PUS10: variants seen among roughly 807,000 people sequenced by gnomAD.
PUS10 encodes tRNA pseudouridine synthase Pus10.
Under a neutral mutation model 75.0 loss-of-function variants are expected in PUS10, and 59 were observed. The observed-to-expected ratio is 0.79, with a 90% confidence interval of 0.64 to 0.98. The LOEUF is 0.98. PUS10 is among the 50% of genes least tolerant of loss of function. The pLI is 0.00. For missense variants in PUS10, 650 were observed against 614.4 expected (o/e 1.06, Z -0.61); for synonymous variants, 219 against 211.6 (o/e 1.03, Z -0.30).
At chr2:60,955,103 T>C in intron 11 of PUS10, 29 bp from the exon 12 acceptor site, 1 of 1,394,176 alleles carries the variant, frequency 7.2e-7, no homozygotes. Flanking sequence ...GAAAAAAAAA[T>C]TAGAGACATC....
At chr2:60,980,939 T>C (rs1677349073) in intron 4 of PUS10, among the ~76,000 whole-genome samples, 1 of 152,242 alleles carries the variant, frequency 6.6e-6, no homozygotes, top group African/African-American at 2.4e-5. Context: ...TTGCCCAGGC[T>C]GGAGTGCAAT....
chr2:60,976,829 A>G (rs1677058189), intron 4 of PUS10, among the ~76,000 whole-genome samples: 1 of 152,214 alleles, frequency 6.6e-6, no homozygotes, highest in Non-Finnish European at 1.5e-5. Context: ...TCAAATCACC[A>G]AGATAATTTT....
chr2:60,959,358 G>C (rs1366112184), intron 11 of PUS10, among the ~76,000 whole-genome samples: 1 of 152,156 alleles, frequency 6.6e-6, no homozygotes, highest in Non-Finnish European at 1.5e-5. Flanking sequence ...CAGTTGTTTT[G>C]AATTTCCCCA....
At chr2:60,997,633 C>T in intron 4 of PUS10, among the ~76,000 whole-genome samples, 1 of 143,820 alleles carries the variant, frequency 7.0e-6, no homozygotes, top group East Asian at 2.0e-4. Context: ...AAAAAAAGGA[C>T]TTAGTGGAAT....
Position 61,018,099 on chromosome 2 carries a change from T to A in PUS10, c.-107A>T. On this transcript the variant is annotated 5_prime_UTR_variant, in exon 1 of 18. Coordinates refer to ENST00000316752, the MANE Select transcript of PUS10 (RefSeq NM_144709.4). Reference sequence around the variant, plus strand: ...GGGAGCTCCTGGGCGTCTCTCTGGGTCTCTGTGCTTGAAAGAAAGGGGGGC... The same window carrying A: ...GGGAGCTCCTGGGCGTCTCTCTGGGACTCTGTGCTTGAAAGAAAGGGGGGC... The A allele has an allele frequency of 3.9e-6, 6 of 1,543,304 alleles. No individual in the cohort carries two copies. The highest frequency in any genetic ancestry group is 5.2e-6 in the Non-Finnish European group (6 of 1,143,840).
At chr2:61,008,706 T>C in intron 3 of PUS10, 55 bp downstream of exon 3, 1 of 1,353,126 alleles carries the variant, frequency 7.4e-7, no homozygotes. Flanking sequence ...ATTCTTGGTT[T>C]TAAGACTGAA....
chr2:60,983,717 G>A (rs1677551345), intron 4 of PUS10, among the ~76,000 whole-genome samples: 1 of 151,232 alleles, frequency 6.6e-6, no homozygotes, highest in African/African-American at 2.4e-5. Context: ...TATCAGAATA[G>A]AGCTAACAAT....
intron 10 of PUS10, 128 bp from the exon 11 acceptor site, chr2:60,960,645 CCTAA>C: frequency 5.4e-6 from 4 of 741,452 alleles, no homozygotes; most frequent in South Asian, 2.3e-5. Flanking sequence ...CTATCCTTTA[CCTAA>C]CTAACAATCC....
At chr2:60,979,941 G>C (rs1161131480) in intron 4 of PUS10, among the ~76,000 whole-genome samples, 2 of 152,150 alleles carry the variant, frequency 1.3e-5, no homozygotes, top group African/African-American at 2.4e-5. Context: ...TTTATGTTGT[G>C]AGTTTTAAGG....
Position 61,006,604 on chromosome 2 carries a change from T to A in PUS10, c.421A>T (p.Ser141Cys). The change falls in exon 4 of 18, where the codon AGC becomes TGC. Residue 141 changes from serine to cysteine, a missense_variant. Ser to Cys is a moderately radical substitution (Grantham distance 112, BLOSUM62 -1). Coordinates refer to ENST00000316752, the MANE Select transcript of PUS10 (RefSeq NM_144709.4). ...GGGAAGGAGACTGAAAATACCAAGC[T>A]GGTGAATTCAAACCCAGAGGCCTCA... is the stretch of plus-strand genomic sequence containing the variant. ...KVEASGFEFT[S>C]LVFSVSFPPQ... 6.2e-7 allele frequency: 1 copy of A among 1,613,652 alleles called. No homozygotes were observed. The highest frequency in any genetic ancestry group is 8.5e-7 in the Non-Finnish European group (1 of 1,179,834).
chr2:61,011,657 A>T (rs921178897), intron 2 of PUS10, 108 bp downstream of exon 2: 16 of 756,530 alleles, frequency 2.1e-5, no homozygotes, highest in Admixed American at 3.8e-5. Flanking sequence ...TTTTTAATTT[A>T]AAAAAGAGTT....
chr2:60,991,068 G>A (rs998506158), intron 4 of PUS10, among the ~76,000 whole-genome samples: 12 of 151,962 alleles, frequency 7.9e-5, no homozygotes, highest in Admixed American at 2.6e-4. Context: ...TTGTAGAGAC[G>A]GAGTCTCTCT....
Position 60,953,968 on chromosome 2 carries a change from G to T in PUS10, c.1155C>A (p.Asn385Lys), listed in dbSNP as rs1675498238. 8.7e-6 allele frequency: 14 copies of T among 1,613,882 alleles called. No individual in the cohort carries two copies. The African/African-American group carries it at 1.2e-4, about 14-fold the overall frequency. ...ELQQKINNSS[N>K]KIQVRDLQLV... ...GCTGCAAGTCACGTACTTGGATTTT[G>T]TTAGATGAGTTATTAATTTTCTGTA... The change falls in exon 14 of 18, where the codon AAC (asparagine) becomes AAA (lysine). Residue 385 changes from asparagine (N) to lysine (K), a missense_variant. Transcript: ENST00000316752.
chr2:61,016,920 C>T (rs1680023653), intron 1 of PUS10, among the ~76,000 whole-genome samples: 1 of 152,152 alleles, frequency 6.6e-6, no homozygotes, highest in South Asian at 2.1e-4. Context: ...CACTGGGCTT[C>T]TGAAACATTC....
At chr2:60,975,417 TTATAGACATGAGCCACTGCAC>T (rs1372143076) in intron 4 of PUS10, among the ~76,000 whole-genome samples, 2 of 152,100 alleles carry the variant, frequency 1.3e-5, no homozygotes, top group African/African-American at 4.8e-5. Context: ...AGTGCTACGA[TTATAGACATGAGCCACTGCAC>T]CCAGACAGTA....
intron 16 of PUS10, 73 bp from the exon 17 acceptor site, chr2:60,945,181 A>G (rs1674867429): frequency 3.3e-6 from 3 of 910,466 alleles, no homozygotes; most frequent in Non-Finnish European, 5.5e-6. Context: ...ACAGGCAAAA[A>G]TAATAATAAG....
At chr2:60,994,789 C>T (rs1014288443) in intron 4 of PUS10, among the ~76,000 whole-genome samples, 5 of 152,106 alleles carry the variant, frequency 3.3e-5, no homozygotes, top group African/African-American at 1.2e-4. Context: ...GACAATAACC[C>T]TTTTGAAATC....
At chr2:60,971,870 T>A (rs1676690171) in intron 4 of PUS10, among the ~76,000 whole-genome samples, 1 of 140,508 alleles carries the variant, frequency 7.1e-6, no homozygotes, top group Admixed American at 7.0e-5. Context: ...CTTCTCTTTT[T>A]TTTTTTTTTT....
intron 6 of PUS10, 185 bp from the exon 7 acceptor site, chr2:60,965,669 T>G (rs548282524): frequency 4.7e-5 from 21 of 450,522 alleles, no homozygotes; most frequent in South Asian, 1.3e-4. Context: ...GTTTTGTTTT[T>G]TTTTTTAACT....
Sources: gnomAD v4.1 joint callset for allele counts (sites outside exome capture counted in the v4.1 genomes callset) on GRCh38, gnomAD v4.1.1 for gene constraint, MANE v1.5 for transcripts, NCBI Gene and HGNC (gene_info 2026-07-23, HGNC 2026-07-21) for gene names.